FNBP1: variants seen among roughly 807,000 people sequenced by gnomAD.
FNBP1 encodes formin binding protein 1, also known as formin-binding protein 1.
A neutral mutation model predicts 90.6 loss-of-function variants in FNBP1; 26 were observed. That is an observed-to-expected ratio of 0.29 (90% CI 0.21 to 0.40). FNBP1 has a LOEUF of 0.40. FNBP1 is among the 10% of genes least tolerant of loss of function. The pLI is 1.00. For synonymous variants in FNBP1, 260 were observed against 265.2 expected, an observed-to-expected ratio of 0.98 and a Z score of 0.19; for missense variants, 635 against 768.0, an observed-to-expected ratio of 0.83 and a Z score of 2.05.
rs2052610995 is a variant in FNBP1, at chr9:129,988,340, GT to G, written c.140+6502del. Among the ~76,000 whole-genome samples the G allele has an allele frequency of 8.5e-5, 13 of 152,216 alleles. 1 individual carries two copies. The highest frequency in any genetic ancestry group is 2.9e-4 in the African/African-American group (12 of 41,530). On this transcript the variant is annotated intron_variant, in intron 2 of 16. Transcript: ENST00000446176. ...CAACCTATACTACCTTGAATAGATA[GT>G]GACCTCAGGGGTTGGCAAACTTTTT... is the stretch of plus-strand genomic sequence containing the variant.
At chr9:130,049,175 G>A in the FNBP1 span, among the ~76,000 whole-genome samples, 1 of 152,186 alleles carries the variant, frequency 6.6e-6, no homozygotes, top group Non-Finnish European at 1.5e-5. Context: ...GATCGCTTGA[G>A]ACCAGGCATT....
chr9:129,995,852 T>C (rs913204659), intron 1 of FNBP1, among the ~76,000 whole-genome samples: 1 of 152,120 alleles, frequency 6.6e-6, no homozygotes, highest in Non-Finnish European at 1.5e-5. Context: ...ACCCAAGGCC[T>C]TGAAGGACGA....
At chr9:130,012,214 C>G (rs2056701023) in intron 1 of FNBP1, among the ~76,000 whole-genome samples, 1 of 152,300 alleles carries the variant, frequency 6.6e-6, no homozygotes, top group Non-Finnish European at 1.5e-5. Context: ...TCTTTGACTA[C>G]TAGGTATGCC....
At chr9:129,977,821 C>A (rs769538188) in intron 4 of FNBP1, among the ~76,000 whole-genome samples, 19 of 151,810 alleles carry the variant, frequency 1.3e-4, no homozygotes, top group Non-Finnish European at 2.8e-4. Context: ...ACCATTTATT[C>A]CACAGAGCAT....
Position 129,890,513 on chromosome 9 carries a change from C to T in FNBP1, c.*26G>A. On this transcript the variant is annotated 3_prime_UTR_variant, in exon 17 of 17. Coordinates refer to ENST00000446176, the MANE Select transcript of FNBP1 (RefSeq NM_015033.3). This position sits in a 1 kb window ranked among gnomAD's most constrained non-coding sequence, Gnocchi z 5.8. ...AGACGGAGGCTCCTCCAGGAAGGCT[C>T]ACCCGAGGCTCGCAGGCACTCCCCT... 4 of 1,581,220 alleles carry T rather than the reference C, an allele frequency of 2.5e-6. No individual in the cohort carries two copies. Among genetic ancestry groups the T allele is most frequent in the Non-Finnish European group, 3.4e-6 (4 of 1,163,396 alleles).
At chr9:129,917,729 C>G (rs529487278) in intron 10 of FNBP1, among the ~76,000 whole-genome samples, 1 of 152,232 alleles carries the variant, frequency 6.6e-6, no homozygotes, top group Admixed American at 6.5e-5. Context: ...TATATAGAAA[C>G]ATGAGATTTT....
intron 12 of FNBP1, 92 bp downstream of exon 12, chr9:129,908,798 C>T (rs1325439107): frequency 1.3e-6 from 1 of 762,592 alleles, no homozygotes; most frequent in East Asian, 2.7e-5. Flanking sequence ...GGTGATCCAC[C>T]CACCGCAGCC....
At chr9:130,053,650 G>A in the FNBP1 span, 2 of 483,494 alleles carry the variant, frequency 4.1e-6, no homozygotes, top group Non-Finnish European at 3.7e-6. Flanking sequence ...CGAGGCGGAG[G>A]TGCGGCCCGG....
chr9:129,907,205 A>C lies in FNBP1; in HGVS notation c.1295+1685T>G, dbSNP rs77767412. Among the ~76,000 whole-genome samples, 983 of 151,504 alleles carry C rather than the reference A, an allele frequency of 6.5e-3. 15 individuals are homozygous for C. The highest frequency in any genetic ancestry group is 0.023 in the African/African-American group (948 of 41,254). ...CATTTTTTTACTTCTACATTTCTAGAGCTTATAAGTTAGATGTGTCTTTTG... is the reference window on the plus strand; with the variant it reads ...CATTTTTTTACTTCTACATTTCTAGCGCTTATAAGTTAGATGTGTCTTTTG... On this transcript the variant is annotated intron_variant, in intron 12 of 16. Transcript: ENST00000446176.
rs1011403022 is a variant in FNBP1 at position 130,041,400 on chromosome 9, GA to G, written c.24+1551del. 4.6e-5 allele frequency among the ~76,000 whole-genome samples: 7 copies of G among 150,646 alleles called. No homozygotes were observed. The highest frequency in any genetic ancestry group is 1.7e-4 in the African/African-American group (7 of 41,076). The stretch of plus-strand genomic sequence containing the variant: ...ATTCCATCCACCTGTCTGAACAAGT[GA>G]AAAAAAAATTGTGCCACAATTTCTA... On this transcript the variant is annotated intron_variant, in intron 1 of 16. Coordinates refer to ENST00000446176, the MANE Select transcript of FNBP1 (RefSeq NM_015033.3). The surrounding 1 kb of genome is among the most constrained non-coding windows in gnomAD (Gnocchi z 4.3).
chr9:129,939,467 A>G (rs2044007386), intron 6 of FNBP1, among the ~76,000 whole-genome samples: 1 of 152,114 alleles, frequency 6.6e-6, no homozygotes, highest in African/African-American at 2.4e-5. Flanking sequence ...ATGTAAGACT[A>G]TAAGCCCTTC....
intron 6 of FNBP1, among the ~76,000 whole-genome samples, chr9:129,948,523 T>A (rs1480823070): frequency 1.3e-5 from 2 of 150,718 alleles, no homozygotes; most frequent in East Asian, 3.9e-4. Flanking sequence ...AGCCACCACA[T>A]TCAGCTCATT....
At chr9:129,936,559 C>T (rs1228159224) in intron 6 of FNBP1, 1 of 141,358 alleles carries the variant, frequency 7.1e-6, no homozygotes, top group Admixed American at 7.6e-5. Context: ...TATCTAGCCA[C>T]CTTTTGTTCT....
chr9:130,029,715 G>A (rs976048184), intron 1 of FNBP1, among the ~76,000 whole-genome samples: 5 of 152,130 alleles, frequency 3.3e-5, no homozygotes, highest in African/African-American at 7.2e-5. Flanking sequence ...CAAGTGCAGC[G>A]GCTCACACCT....
chr9:129,922,763 A>G (rs2131853275), intron 10 of FNBP1, among the ~76,000 whole-genome samples: 1 of 152,242 alleles, frequency 6.6e-6, no homozygotes, highest in Non-Finnish European at 1.5e-5. Context: ...ACCCTGAGGC[A>G]TAGCTCAGGC....
chr9:129,896,648 T>G (rs1028034797), intron 15 of FNBP1, among the ~76,000 whole-genome samples: 18 of 151,110 alleles, frequency 1.2e-4, no homozygotes, highest in Admixed American at 7.9e-4. Flanking sequence ...TCCCAATTTT[T>G]TTGTTGTTGT....
intron 2 of FNBP1, among the ~76,000 whole-genome samples, chr9:129,981,340 C>T (rs918914813): frequency 1.3e-5 from 2 of 152,120 alleles, no homozygotes; most frequent in Admixed American, 1.3e-4. Context: ...CTGCCCGCCT[C>T]GGCCCCCCAA....
upstream of FNBP1, among the ~76,000 whole-genome samples, chr9:130,043,506 C>T (rs551637289): frequency 1.8e-3 from 275 of 152,366 alleles, no homozygotes; most frequent in African/African-American, 6.3e-3. Context: ...GATGCTCCGC[C>T]GCGGTCTGAG....
chr9:129,894,059 A>C (rs1278519239), intron 16 of FNBP1, among the ~76,000 whole-genome samples: 1 of 152,158 alleles, frequency 6.6e-6, no homozygotes. Flanking sequence ...ACTGCTTGGA[A>C]AATCAGCTTT....
Sources: allele counts gnomAD v4.1 joint callset (sites outside exome capture counted in the v4.1 genomes callset), GRCh38; gene constraint gnomAD v4.1.1; non-coding constraint Gnocchi (gnomAD v3.1); transcripts MANE v1.5; gene names NCBI Gene and HGNC (gene_info 2026-07-23, HGNC 2026-07-21).